PRICKLE1: variants seen among roughly 807,000 people sequenced by gnomAD.
The protein encoded by PRICKLE1 is prickle-like protein 1.
PRICKLE1 carries 14 observed loss-of-function variants against 70.2 expected under a neutral mutation model. The observed-to-expected ratio is 0.20, with a 90% CI of 0.13 to 0.31. The LOEUF (loss-of-function observed/expected upper bound fraction) is 0.31, where lower values mean the gene tolerates loss of function less well. Among genes scored for constraint, PRICKLE1 ranks in the 10% least tolerant of loss-of-function variants. PRICKLE1 has a pLI of 1.00. For missense variants in PRICKLE1, 821 were observed against 1,026.2 expected (o/e 0.80, Z 2.73); for synonymous variants, 357 against 379.9 (o/e 0.94, Z 0.70).
At chr12:42,560,043 T>C (rs916640834) in intron 1 of PRICKLE1, among the ~76,000 whole-genome samples, 3 of 151,486 alleles carry the variant, frequency 2.0e-5, no homozygotes, top group Non-Finnish European at 4.4e-5. Flanking sequence ...GAACCAGCTC[T>C]TCAAACTTAA....
chr12:42,478,829 T>C (rs1198019719), intron 1 of PRICKLE1, among the ~76,000 whole-genome samples: 2 of 151,944 alleles, frequency 1.3e-5, no homozygotes, highest in Non-Finnish European at 2.9e-5. Context: ...TCTCGCCTCT[T>C]CCTTCAAAAT....
intron 6 of PRICKLE1, chr12:42,465,522 A>G (rs909844784): frequency 2.0e-6 from 1 of 491,124 alleles, no homozygotes; most frequent in African/African-American, 1.9e-5. Context: ...ATACGAACTG[A>G]ACCAACATGC....
intron 4 of PRICKLE1, 117 bp downstream of exon 4, chr12:42,469,333 C>CT: frequency 8.3e-7 from 1 of 1,209,112 alleles, no homozygotes. Flanking sequence ...CTGTCTTTCT[C>CT]TCATTTTCTG....
chr12:42,530,711 G>A (rs1397067410), intron 1 of PRICKLE1, among the ~76,000 whole-genome samples: 1 of 118,176 alleles, frequency 8.5e-6, no homozygotes, highest in African/African-American at 3.3e-5. Flanking sequence ...TTTGAGCAGA[G>A]TCTCACTGTT....
intron 1 of PRICKLE1, among the ~76,000 whole-genome samples, chr12:42,545,835 G>C (rs1264705866): frequency 1.3e-5 from 2 of 148,186 alleles, no homozygotes; most frequent in African/African-American, 4.9e-5. Flanking sequence ...GGGTGACAGA[G>C]CAAGACTCCG....
At chr12:42,583,422 G>T (rs989729453) in intron 1 of PRICKLE1, among the ~76,000 whole-genome samples, 1 of 152,130 alleles carries the variant, frequency 6.6e-6, no homozygotes, top group Non-Finnish European at 1.5e-5. Flanking sequence ...AATTTCCAAG[G>T]ATAAAGGGGA....
In PRICKLE1 at chr12:42,506,282, A is replaced by G. The variant is rs1237544760; in HGVS notation, c.-48-33718T>C. On this transcript the variant is annotated intron_variant, in intron 1 of 7. Coordinates refer to ENST00000345127, the MANE Select transcript of PRICKLE1 (RefSeq NM_153026.3). ...TTCTTTTTTTTTTTTTTTGAGATGG[A>G]GTCTCTCTCTGTTGCCTAGGCTGCA... 4.4e-5 allele frequency among the ~76,000 whole-genome samples: 5 copies of G among 113,490 alleles called. No individual in the cohort carries two copies. In the East Asian group the frequency reaches 1.0e-3, roughly 23 times the overall value. The allele number at this position is 113,490 out of a possible 152,430, so 74.5% of individuals were successfully genotyped here.
Position 42,460,950 on chromosome 12 carries a change from C to T in PRICKLE1, c.1640-285G>A, listed in dbSNP as rs549496603. Among the ~76,000 whole-genome samples the T allele has an allele frequency of 3.9e-5, 6 of 152,226 alleles. No homozygotes were observed. In the East Asian group the frequency reaches 1.2e-3, roughly 29 times the overall value. On this transcript the variant is annotated intron_variant, in intron 7 of 7. Transcript: ENST00000345127. ...GGGCTGGAGTGCAATGGCGCTATCT[C>T]GGCACACCACAATCTCCACCTCCCA...
chr12:42,464,569 G>A lies in PRICKLE1; in HGVS notation c.1465C>T (p.Pro489Ser). The A allele has an allele frequency of 6.2e-7, 1 of 1,613,850 alleles. No homozygotes were observed. Among genetic ancestry groups the A allele is most frequent in the South Asian group, 1.1e-5 (1 of 91,070 alleles). The change falls in exon 7 of 8, where the codon CCA becomes TCA. Residue 489 changes from proline (P) to serine (S), a missense_variant. Pro to Ser is a moderately conservative substitution (Grantham distance 74). Coordinates refer to ENST00000345127, the MANE Select transcript of PRICKLE1 (RefSeq NM_153026.3). The surrounding 1 kb of genome is among the most constrained non-coding windows in gnomAD (Gnocchi z 4.2). The part of the protein sequence containing the change: ...GLGDSAYGSH[P>S]GPASSRRLQE... Reference sequence around the variant, plus strand: ...AGCCTTCTACTGCTTGCAGGGCCTGGGTGGCTGCCATAAGCAGAATCGCCC... The same window carrying A: ...AGCCTTCTACTGCTTGCAGGGCCTGAGTGGCTGCCATAAGCAGAATCGCCC...
chr12:42,556,094 A>G (rs777793200), intron 1 of PRICKLE1, among the ~76,000 whole-genome samples: 1 of 152,186 alleles, frequency 6.6e-6, no homozygotes, highest in Non-Finnish European at 1.5e-5. Context: ...ATAAAGTCCT[A>G]TTGATTATGT....
chr12:42,568,593 T>C (rs1940659294), intron 1 of PRICKLE1, among the ~76,000 whole-genome samples: 1 of 152,268 alleles, frequency 6.6e-6, no homozygotes, highest in East Asian at 1.9e-4. Flanking sequence ...CTGTAAGCAG[T>C]ATTTTCAAAA....
At chr12:42,484,643 G>A (rs180896207) in intron 1 of PRICKLE1, among the ~76,000 whole-genome samples, 151 of 152,306 alleles carry the variant, frequency 9.9e-4, no homozygotes, top group African/African-American at 3.5e-3. Context: ...ACACTACTGA[G>A]AGTTTTTACA....
intron 1 of PRICKLE1, among the ~76,000 whole-genome samples, chr12:42,520,244 C>T (rs1440232971): frequency 6.6e-6 from 1 of 152,098 alleles, no homozygotes; most frequent in Non-Finnish European, 1.5e-5. Flanking sequence ...CAGGTGAGTC[C>T]CTAATACACA....
In PRICKLE1 at chr12:42,466,084, T is replaced by C. The variant is rs927390350; in HGVS notation, c.775+110A>G. 6.1e-6 allele frequency: 7 copies of C among 1,141,402 alleles called. No individual in the cohort carries two copies. The African/African-American group carries it at 9.2e-5, about 15-fold the overall frequency. The allele number at this position is 1,141,402 out of a possible 1,614,324, so 70.7% of individuals were successfully genotyped here. A position where few individuals can be genotyped will look rare whatever the true frequency, so the allele number is the denominator to read the frequency against. On this transcript the variant is annotated intron_variant, in intron 6 of 7. Transcript: ENST00000345127. Reference sequence around the variant, plus strand: ...TTTAAGATCTGTACATTTCATTGTATGTAAATTATATCTCAACTTTAAAAA... The same window carrying C: ...TTTAAGATCTGTACATTTCATTGTACGTAAATTATATCTCAACTTTAAAAA...
chr12:42,541,703 G>T (rs1431991846), intron 1 of PRICKLE1, among the ~76,000 whole-genome samples: 1 of 152,138 alleles, frequency 6.6e-6, no homozygotes, highest in Non-Finnish European at 1.5e-5. Flanking sequence ...AGCAGTCCCA[G>T]TAACATCCTC....
chr12:42,551,650 A>G (rs1228341551), intron 1 of PRICKLE1, among the ~76,000 whole-genome samples: 1 of 152,170 alleles, frequency 6.6e-6, no homozygotes, highest in Admixed American at 6.6e-5. Flanking sequence ...AAAGAGAAAC[A>G]CACACATTAG....
At chr12:42,508,794 C>T (rs4768416) in intron 1 of PRICKLE1, among the ~76,000 whole-genome samples, 7 of 151,840 alleles carry the variant, frequency 4.6e-5, no homozygotes, top group Non-Finnish European at 8.8e-5. Context: ...GGAATGGAGA[C>T]GAACAGGGCT....
At chr12:42,488,324 T>C (rs571758254) in intron 1 of PRICKLE1, among the ~76,000 whole-genome samples, 121 of 152,322 alleles carry the variant, frequency 7.9e-4, no homozygotes, top group African/African-American at 2.9e-3. Flanking sequence ...CAGCCCAAGT[T>C]GTGTGGGAGA....
intron 1 of PRICKLE1, chr12:42,524,957 C>T (rs1391347192): frequency 2.0e-5 from 3 of 152,160 alleles, no homozygotes; most frequent in Non-Finnish European, 2.9e-5. Flanking sequence ...CGTGATTTCA[C>T]ATGATTCCAA....
Sources: allele counts gnomAD v4.1 joint callset (sites outside exome capture counted in the v4.1 genomes callset), GRCh38; gene constraint gnomAD v4.1.1; non-coding constraint Gnocchi (gnomAD v3.1); transcripts MANE v1.5; gene names NCBI Gene and HGNC (gene_info 2026-07-23, HGNC 2026-07-21).